The following ANKH variants were observed in gnomAD, a reference collection of about 807,000 sequenced individuals.
ANKH encodes the protein mineralization regulator ANKH.
In ANKH, 15 loss-of-function variants were observed where a neutral mutation model predicts 49.0. The ratio of observed to expected loss-of-function variants is 0.31; its 90% CI spans 0.20 to 0.47. The LOEUF (loss-of-function observed/expected upper bound fraction) is 0.47, where lower values mean the gene tolerates loss of function less well. Ranked by LOEUF, ANKH falls within the 20% of genes least tolerant of loss-of-function variation. The probability of loss-of-function intolerance (pLI) is 1.00; values close to 1 mark genes in which losing one functional copy is unlikely to be tolerated. For missense variants in ANKH, 429 were observed against 652.0 expected (o/e 0.66, Z 3.72); for synonymous variants, 273 against 260.0 (o/e 1.05, Z -0.48).
At chr5:14,841,304 GT>G (rs35405736) in intron 1 of ANKH, among the ~76,000 whole-genome samples, 38 of 144,608 alleles carry the variant, frequency 2.6e-4, no homozygotes, top group Admixed American at 2.7e-4. Context: ...CATTTATTTT[GT>G]TTTTTTTTTT....
chr5:14,768,954 A>G, intron 2 of ANKH, 21 bp downstream of exon 2: 1 of 1,611,542 alleles, frequency 6.2e-7, no homozygotes, highest in South Asian at 1.1e-5. Flanking sequence ...TAGATTCGTC[A>G]GTGGCGGTCG....
intron 3 of ANKH, 130 bp downstream of exon 3, chr5:14,758,350 A>G: frequency 2.7e-6 from 2 of 748,966 alleles, no homozygotes; most frequent in South Asian, 3.1e-5. Context: ...TTGGTTACAC[A>G]ATAATGTGAA....
chr5:14,803,723 C>T (rs1674698391), intron 1 of ANKH, among the ~76,000 whole-genome samples: 1 of 152,204 alleles, frequency 6.6e-6, no homozygotes, highest in South Asian at 2.1e-4. Context: ...GATCTAGCCC[C>T]TCTCCAGCCA....
intron 1 of ANKH, among the ~76,000 whole-genome samples, chr5:14,827,752 A>T (rs893972784): frequency 1.9e-4 from 29 of 151,814 alleles, no homozygotes; most frequent in South Asian, 1.0e-3. Flanking sequence ...CCTAAGACCT[A>T]TTTTTTTTGG....
rs138380770 is a variant in ANKH, at chr5:14,737,612, A to G, written c.1011+4215T>C. 1.8e-3 allele frequency among the ~76,000 whole-genome samples: 274 copies of G among 152,376 alleles called. No homozygotes were observed. The highest frequency in any genetic ancestry group is 6.0e-3 in the African/African-American group (251 of 41,598). ...TCCAGCACCAGTGGAGACACCTTGC[A>G]TGGCGAGGCTGCGACGCAGTCTCCT... On this transcript the variant is annotated intron_variant, in intron 8 of 11. Transcript: ENST00000284268. This position sits in a 1 kb window ranked among gnomAD's most constrained non-coding sequence, Gnocchi z 5.0.
In ANKH at chr5:14,741,876, G is replaced by A. The variant is rs754572946; in HGVS notation, c.962C>T (p.Ala321Val). Reference protein sequence around the residue: ...KLVSTSNTVTAAHIKKFTFVC... With the variant: ...KLVSTSNTVTVAHIKKFTFVC... ...GAAGGTGAACTTCTTGATGTGGGCT[G>A]CCGTGACTGTGTTGCTCGTGCTCAC... is the stretch of plus-strand genomic sequence containing the variant. The change falls in exon 8 of 12, where the codon GCA becomes GTA. Residue 321 changes from alanine to valine, a missense_variant. By Grantham distance (64) the Ala-to-Val change is moderately conservative. Around this residue, in one of 2 missense-constraint regions of ANKH, gnomAD observed 378 missense variants for 615.3 expected, o/e 0.61. Transcript: ENST00000284268. 2.5e-6 allele frequency: 4 copies of A among 1,614,022 alleles called. No homozygotes were observed. Among genetic ancestry groups the A allele is most frequent in the African/African-American group, 2.7e-5 (2 of 74,898 alleles).
At chr5:14,833,484 C>G (rs916298450) in intron 1 of ANKH, among the ~76,000 whole-genome samples, 2 of 152,190 alleles carry the variant, frequency 1.3e-5, no homozygotes, top group African/African-American at 4.8e-5. Context: ...ATTTAGAGCA[C>G]AGGAGGCCAA....
At chr5:14,819,796 G>A (rs1741143608) in intron 1 of ANKH, among the ~76,000 whole-genome samples, 1 of 151,940 alleles carries the variant, frequency 6.6e-6, no homozygotes, top group African/African-American at 2.4e-5. Flanking sequence ...AACCTGGAAG[G>A]TCGAGGCTAT....
chr5:14,712,491 C>T (rs1207125049), intron 11 of ANKH, among the ~76,000 whole-genome samples: 5 of 152,266 alleles, frequency 3.3e-5, no homozygotes, highest in African/African-American at 1.2e-4. Flanking sequence ...ACTGCCCAGT[C>T]CTTGTGTGCA....
intron 8 of ANKH, among the ~76,000 whole-genome samples, chr5:14,720,205 T>C (rs551765763): frequency 6.6e-6 from 1 of 152,332 alleles, no homozygotes; most frequent in African/African-American, 2.4e-5. Flanking sequence ...TGGCAAAGTA[T>C]ATTCCACTGG....
At chr5:14,759,888 G>C (rs1739022878) in intron 2 of ANKH, among the ~76,000 whole-genome samples, 1 of 151,794 alleles carries the variant, frequency 6.6e-6, no homozygotes, top group South Asian at 2.1e-4. Context: ...AGAAAGACAA[G>C]AAAATAATAA....
rs1376275170 is a variant in ANKH, at chr5:14,797,358, C to T, written c.97-28167G>A. The T allele has an allele frequency of 1.9e-6, 3 of 1,610,214 alleles. No homozygotes were observed. The Admixed American group carries it at 5.0e-5, about 27-fold the overall frequency. On this transcript the variant is annotated intron_variant, in intron 1 of 11. Coordinates refer to ENST00000284268, the MANE Select transcript of ANKH (RefSeq NM_054027.6). ...TGGGGATTGTTCCTCTCCAATTTTA[C>T]TTAAATCCTAGACATTCGGTCTGTG...
chr5:14,799,583 C>T (rs1380874892), intron 1 of ANKH, among the ~76,000 whole-genome samples: 1 of 152,162 alleles, frequency 6.6e-6, no homozygotes, highest in African/African-American at 2.4e-5. Context: ...GTCCTCAGGT[C>T]CTTAAGAATT....
At chr5:14,729,601 T>C (rs1045252314) in intron 8 of ANKH, among the ~76,000 whole-genome samples, 1 of 151,970 alleles carries the variant, frequency 6.6e-6, no homozygotes, top group Non-Finnish European at 1.5e-5. Context: ...TACCTCCGCC[T>C]CTACCTGCCA....
intron 1 of ANKH, among the ~76,000 whole-genome samples, chr5:14,812,810 G>C (rs749446845): frequency 6.6e-6 from 1 of 152,090 alleles, no homozygotes; most frequent in Non-Finnish European, 1.5e-5. Context: ...CACAGGAAAC[G>C]ATCGAAAGAC....
At chr5:14,763,743 T>C (rs1431597065) in intron 2 of ANKH, among the ~76,000 whole-genome samples, 1 of 152,220 alleles carries the variant, frequency 6.6e-6, no homozygotes, top group African/African-American at 2.4e-5. Context: ...ATTCTCAGGA[T>C]CTAGCCCAGT....
intron 8 of ANKH, among the ~76,000 whole-genome samples, chr5:14,738,945 G>A (rs1412454366): frequency 2.0e-5 from 3 of 152,176 alleles, no homozygotes; most frequent in African/African-American, 7.2e-5. Flanking sequence ...ACTTGTTACT[G>A]TGACCTTTCT....
chr5:14,824,340 T>C (rs1435548394), intron 1 of ANKH, among the ~76,000 whole-genome samples: 1 of 152,182 alleles, frequency 6.6e-6, no homozygotes, highest in East Asian at 1.9e-4. Context: ...AAAACTGGAC[T>C]AGAAGCATAA....
chr5:14,869,464 C>T (rs1378743715), intron 1 of ANKH: 1 of 152,198 alleles, frequency 6.6e-6, no homozygotes, highest in African/African-American at 2.4e-5. Context: ...GGAAAAGGAC[C>T]TCAAATGACA....
Sources: allele counts gnomAD v4.1 joint callset (sites outside exome capture counted in the v4.1 genomes callset), GRCh38; gene constraint gnomAD v4.1.1; regional missense constraint gnomAD v4.1.1; non-coding constraint Gnocchi (gnomAD v3.1); transcripts MANE v1.5; gene names NCBI Gene and HGNC (gene_info 2026-07-23, HGNC 2026-07-21).